XKR9: variants seen among roughly 807,000 people sequenced by gnomAD.
The protein encoded by XKR9 is XK-related protein 9.
Under a neutral mutation model 32.0 loss-of-function variants are expected in XKR9, and 32 were observed. That is an observed-to-expected ratio of 1.00 (90% confidence interval 0.76 to 1.34). XKR9 has a LOEUF of 1.34. Ranked by LOEUF, XKR9 falls within the 40% of genes most tolerant of loss-of-function variation. The probability of loss-of-function intolerance (pLI) is 0.00; values close to 1 mark genes in which losing one functional copy is unlikely to be tolerated. For synonymous variants in XKR9, 168 were observed against 143.4 expected (o/e 1.17, Z -1.22); for missense variants, 546 against 429.7 (o/e 1.27, Z -2.39).
At chr8:70,738,272 A>G (rs930552096), downstream of XKR9, among the ~76,000 whole-genome samples, 5 of 143,862 alleles carry the variant, frequency 3.5e-5, no homozygotes, top group Admixed American at 6.9e-5. Context: ...TGTTTATAGT[A>G]TTCTCTGATG....
chr8:70,699,353 T>C (rs201344872), intron 3 of XKR9, among the ~76,000 whole-genome samples: 8 of 152,216 alleles, frequency 5.3e-5, no homozygotes, highest in Admixed American at 3.9e-4. Context: ...GTGCTTCCTT[T>C]AGGAGCTCTT....
intron 2 of XKR9, among the ~76,000 whole-genome samples, chr8:70,758,083 C>T (rs147466084): frequency 6.6e-6 from 1 of 152,066 alleles, no homozygotes; most frequent in East Asian, 1.9e-4. Context: ...GGGCACTACC[C>T]TGGGACTGGT....
chr8:70,678,624 C>G (rs1392885658), intron 2 of XKR9, among the ~76,000 whole-genome samples: 1 of 152,138 alleles, frequency 6.6e-6, no homozygotes, highest in Non-Finnish European at 1.5e-5. Flanking sequence ...TTCATGTTAG[C>G]ATAAGAAACC....
chr8:70,707,826 T>A (rs1206126768), intron 4 of XKR9, among the ~76,000 whole-genome samples: 1 of 152,108 alleles, frequency 6.6e-6, no homozygotes, highest in Admixed American at 6.5e-5. Context: ...TGTTCATTTT[T>A]TAAAGAAAAG....
At chr8:70,761,480 C>A (rs1205767902) in intron 2 of XKR9, among the ~76,000 whole-genome samples, 1 of 152,078 alleles carries the variant, frequency 6.6e-6, no homozygotes, top group Non-Finnish European at 1.5e-5. Context: ...CTTTTTTTCA[C>A]ATGATTGTTG....
At chr8:71,001,428 A>AT in the XKR9 span, among the ~76,000 whole-genome samples, 20 of 152,130 alleles carry the variant, frequency 1.3e-4, no homozygotes, top group African/African-American at 4.8e-4. Context: ...CACGTGGTTA[A>AT]TTTTTTGTAT....
the XKR9 span, among the ~76,000 whole-genome samples, chr8:71,018,100 T>G: frequency 6.6e-6 from 1 of 152,196 alleles, no homozygotes; most frequent in African/African-American, 2.4e-5. Context: ...AGTTAAAGTT[T>G]TCTTATGTCA....
At chr8:70,883,284 T>C in the XKR9 span, among the ~76,000 whole-genome samples, 3 of 152,150 alleles carry the variant, frequency 2.0e-5, no homozygotes, top group Non-Finnish European at 4.4e-5. Flanking sequence ...TCCAGCTCCA[T>C]TCAAGTTGCT....
At chr8:70,751,095 G>A (rs1807133519) in intron 2 of XKR9, among the ~76,000 whole-genome samples, 1 of 152,092 alleles carries the variant, frequency 6.6e-6, no homozygotes, top group African/African-American at 2.4e-5. Flanking sequence ...GGCCCACCCT[G>A]CTGATTTTGG....
At chr8:70,861,164 A>G in the XKR9 span, among the ~76,000 whole-genome samples, 1 of 152,186 alleles carries the variant, frequency 6.6e-6, no homozygotes, top group South Asian at 2.1e-4. Flanking sequence ...TGAATTTGAG[A>G]TTGTGGAATC....
At chr8:70,962,726 T>G in the XKR9 span, among the ~76,000 whole-genome samples, 2 of 152,150 alleles carry the variant, frequency 1.3e-5, no homozygotes, top group East Asian at 3.9e-4. Context: ...TGCATGAGTC[T>G]TTTTTTGGTA....
intron 2 of XKR9, among the ~76,000 whole-genome samples, chr8:70,776,947 C>CTCTATATATATATATATATA: frequency 3.7e-5 from 2 of 54,212 alleles, no homozygotes; most frequent in East Asian, 4.1e-4. Flanking sequence ...CTCTCTCTCT[C>CTCTATATATATATATATATA]TATATATATA....
chr8:70,761,786 TG>T (rs1175895962), intron 2 of XKR9, among the ~76,000 whole-genome samples: 1 of 152,196 alleles, frequency 6.6e-6, no homozygotes, highest in East Asian at 1.9e-4. Context: ...ATATCCTGAA[TG>T]GTATCGCCTA....
At chr8:70,751,410 T>C (rs1807138904) in intron 2 of XKR9, among the ~76,000 whole-genome samples, 2 of 152,174 alleles carry the variant, frequency 1.3e-5, no homozygotes, top group African/African-American at 4.8e-5. Flanking sequence ...ATTACAGGTG[T>C]GAGCCACCGT....
At chr8:70,998,684 A>G in the XKR9 span, among the ~76,000 whole-genome samples, 1 of 152,196 alleles carries the variant, frequency 6.6e-6, no homozygotes, top group African/African-American at 2.4e-5. Context: ...CCTAAACTCC[A>G]CATGCAGTGA....
chr8:71,058,643 G>A, the XKR9 span, among the ~76,000 whole-genome samples: 1 of 152,212 alleles, frequency 6.6e-6, no homozygotes, highest in African/African-American at 2.4e-5. Flanking sequence ...CATCATTGAA[G>A]ACACTTGACT....
the XKR9 span, among the ~76,000 whole-genome samples, chr8:70,863,356 G>GTAC: frequency 6.6e-6 from 1 of 152,150 alleles, no homozygotes; most frequent in Non-Finnish European, 1.5e-5. Context: ...AGTCTAAAGG[G>GTAC]TACTATAGGT....
At chr8:70,684,325 TA>T (rs1467442968) in intron 3 of XKR9, among the ~76,000 whole-genome samples, 1 of 152,182 alleles carries the variant, frequency 6.6e-6, no homozygotes, top group East Asian at 1.9e-4. Context: ...ACATAACTAT[TA>T]AATGTTAGAT....
intron 4 of XKR9, among the ~76,000 whole-genome samples, chr8:70,723,571 CTCT>C (rs1321777679): frequency 1.3e-5 from 2 of 152,178 alleles, no homozygotes; most frequent in African/African-American, 2.4e-5. Flanking sequence ...AGTCAGGCCC[CTCT>C]TCTTCAGATC....
Sources: allele counts gnomAD v4.1 joint callset (sites outside exome capture counted in the v4.1 genomes callset), GRCh38; gene constraint gnomAD v4.1.1; transcripts MANE v1.5; gene names NCBI Gene and HGNC (gene_info 2026-07-23, HGNC 2026-07-21).